PLCB1: variants seen among roughly 807,000 people sequenced by gnomAD.
PLCB1 encodes 1-phosphatidylinositol 4,5-bisphosphate phosphodiesterase beta-1.
PLCB1 carries 46 observed loss-of-function variants against 161.8 expected under a neutral mutation model. The ratio of observed to expected loss-of-function variants is 0.28; its 90% CI spans 0.22 to 0.36. PLCB1 has a LOEUF of 0.36. Among genes scored for constraint, PLCB1 ranks in the 10% least tolerant of loss-of-function variants. PLCB1 has a pLI of 1.00. For missense variants in PLCB1, 1,016 were observed against 1,472.5 expected, an observed-to-expected ratio of 0.69 and a Z score of 5.07; for synonymous variants, 517 against 503.7, an observed-to-expected ratio of 1.03 and a Z score of -0.35.
intron 3 of PLCB1, among the ~76,000 whole-genome samples, chr20:8,605,227 ATAGAG>A (rs2123154489): frequency 1.3e-5 from 2 of 152,292 alleles, no homozygotes; most frequent in South Asian, 4.1e-4. Flanking sequence ...TCACACATAT[ATAGAG>A]TACAGTTAAT....
At chr20:8,326,572 C>T (rs889216943) in intron 2 of PLCB1, among the ~76,000 whole-genome samples, 1 of 152,042 alleles carries the variant, frequency 6.6e-6, no homozygotes, top group Non-Finnish European at 1.5e-5. Flanking sequence ...CTGCTTTTTC[C>T]GAAAAGTTTG....
chr20:8,300,527 G>T (rs959429300), intron 2 of PLCB1, among the ~76,000 whole-genome samples: 1 of 151,782 alleles, frequency 6.6e-6, no homozygotes, highest in Non-Finnish European at 1.5e-5. Flanking sequence ...ATAGCCATTT[G>T]TTTGGAAGTG....
chr20:8,716,416 C>T (rs1979314630), intron 13 of PLCB1, 68 bp downstream of exon 13: 2 of 1,102,044 alleles, frequency 1.8e-6, no homozygotes, highest in Admixed American at 3.6e-5. Context: ...TGAGGGAAAA[C>T]TTACTTCCTT....
At chr20:8,626,177 CAA>C (rs71184104) in intron 3 of PLCB1, among the ~76,000 whole-genome samples, 52,032 of 116,822 alleles carry the variant, frequency 0.45, 9,911 homozygotes, top group Admixed American at 0.53. Flanking sequence ...GACTCCATCT[CAA>C]AAAAAAAAAA....
At chr20:8,351,758 C>T (rs1443507485) in intron 2 of PLCB1, among the ~76,000 whole-genome samples, 1 of 151,936 alleles carries the variant, frequency 6.6e-6, no homozygotes, top group Non-Finnish European at 1.5e-5. Context: ...CATCATTTGT[C>T]ATAAAGGAAA....
chr20:8,521,053 T>G (rs561784874), intron 3 of PLCB1, among the ~76,000 whole-genome samples: 3 of 152,154 alleles, frequency 2.0e-5, no homozygotes, highest in Non-Finnish European at 4.4e-5. Flanking sequence ...AAGCTTCTTA[T>G]AGATAAGCTC....
chr20:8,286,068 T>G (rs938935858), intron 2 of PLCB1, among the ~76,000 whole-genome samples: 3 of 152,236 alleles, frequency 2.0e-5, no homozygotes, highest in Non-Finnish European at 4.4e-5. Context: ...CTCATGCCTG[T>G]GATCCCAGCA....
At chr20:8,349,093 A>G (rs564493102) in intron 2 of PLCB1, among the ~76,000 whole-genome samples, 1 of 152,318 alleles carries the variant, frequency 6.6e-6, no homozygotes, top group South Asian at 2.1e-4. Context: ...ACACATATAC[A>G]TATAACAAAA....
intron 3 of PLCB1, chr20:8,623,729 G>A (rs1294309603): frequency 6.6e-6 from 1 of 152,120 alleles, no homozygotes; most frequent in African/African-American, 2.4e-5. Flanking sequence ...CATCCTCCGA[G>A]TCTTTTGCTC....
At chr20:8,594,381 A>C (rs917691398) in intron 3 of PLCB1, among the ~76,000 whole-genome samples, 3 of 151,630 alleles carry the variant, frequency 2.0e-5, no homozygotes, top group Non-Finnish European at 3.0e-5. Flanking sequence ...CCACCACGCT[A>C]CAATACATTG....
At chr20:8,660,815 T>G (rs1989601427) in intron 9 of PLCB1, among the ~76,000 whole-genome samples, 1 of 152,162 alleles carries the variant, frequency 6.6e-6, no homozygotes, top group African/African-American at 2.4e-5. Context: ...AATATGACAT[T>G]GATCACAAAA....
At position 8,646,254 on chromosome 20, in the gene PLCB1, TC is replaced by T; in HGVS notation, c.464+75del. On this transcript the variant is annotated intron_variant, in intron 5 of 31. Transcript: ENST00000338037. The stretch of plus-strand genomic sequence containing the variant: ...AGTTTCCTTTCTCCTTTGTGAGTCT[TC>T]CGTTTATGCCATACTGACTTCTCAC... 6 of 1,038,286 alleles carry T rather than the reference TC, an allele frequency of 5.8e-6. No homozygotes were observed. In the South Asian group the frequency reaches 6.4e-5, roughly 11 times the overall value. The allele number at this position is 1,038,286 out of a possible 1,614,324, so 64.3% of individuals were successfully genotyped here. A position where few individuals can be genotyped will look rare whatever the true frequency, so the allele number is the denominator to read the frequency against.
At chr20:8,323,580 C>T (rs188599056) in intron 2 of PLCB1, among the ~76,000 whole-genome samples, 19 of 152,154 alleles carry the variant, frequency 1.2e-4, no homozygotes, top group African/African-American at 3.9e-4. Context: ...GCTTCTCATT[C>T]GGAGGTTCAA....
chr20:8,578,456 G>A (rs1176905470), intron 3 of PLCB1, among the ~76,000 whole-genome samples: 1 of 152,328 alleles, frequency 6.6e-6, no homozygotes, highest in African/African-American at 2.4e-5. Flanking sequence ...GGAATATAAA[G>A]GATGAGTGTT....
intron 2 of PLCB1, among the ~76,000 whole-genome samples, chr20:8,232,094 C>T (rs979906238): frequency 1.3e-5 from 2 of 152,044 alleles, no homozygotes; most frequent in Non-Finnish European, 2.9e-5. Context: ...GTAGTCCCTG[C>T]TATTCAGGAG....
intron 10 of PLCB1, among the ~76,000 whole-genome samples, chr20:8,687,660 T>A (rs1990390580): frequency 6.6e-6 from 1 of 152,238 alleles, no homozygotes; most frequent in African/African-American, 2.4e-5. Flanking sequence ...GGAAATGCTG[T>A]TAATTCATTC....
chr20:8,408,883 A>AT (rs929633430), intron 3 of PLCB1, among the ~76,000 whole-genome samples: 218 of 151,940 alleles, frequency 1.4e-3, no homozygotes, highest in African/African-American at 3.9e-3. Context: ...AACAGTAATA[A>AT]TTTTTTTTTA....
At chr20:8,147,855 A>G (rs566769132) in intron 1 of PLCB1, among the ~76,000 whole-genome samples, 2 of 151,236 alleles carry the variant, frequency 1.3e-5, no homozygotes, top group Non-Finnish European at 2.9e-5. Flanking sequence ...AGTGTTCCTA[A>G]ATATAAATTT....
chr20:8,864,483 C>T (rs1987359427), intron 31 of PLCB1, among the ~76,000 whole-genome samples: 1 of 152,174 alleles, frequency 6.6e-6, no homozygotes, highest in South Asian at 2.1e-4. Flanking sequence ...ACTCATGTCT[C>T]TGCCTAGCAC....
Sources: gnomAD v4.1 joint callset for allele counts (sites outside exome capture counted in the v4.1 genomes callset) on GRCh38, gnomAD v4.1.1 for gene constraint, MANE v1.5 for transcripts, NCBI Gene and HGNC (gene_info 2026-07-23, HGNC 2026-07-21) for gene names.